Variants in CRYBG1 observed in about 807,000 individuals in gnomAD.
The protein encoded by CRYBG1 is beta/gamma crystallin domain-containing protein 1.
In CRYBG1, 139 loss-of-function variants were observed where a neutral mutation model predicts 189.2. The observed-to-expected ratio is 0.73, with a 90% CI of 0.64 to 0.85. CRYBG1 has a LOEUF of 0.85. Ranked by LOEUF, CRYBG1 falls within the 40% of genes least tolerant of loss-of-function variation. The probability of loss-of-function intolerance (pLI) is 0.00; values close to 1 mark genes in which losing one functional copy is unlikely to be tolerated. For missense variants in CRYBG1, 2,611 were observed against 2,675.8 expected (o/e 0.98, Z 0.53); for synonymous variants, 1,023 against 1,017.1 (o/e 1.01, Z -0.11).
intron 1 of CRYBG1, among the ~76,000 whole-genome samples, chr6:106,365,092 T>C (rs1771958377): frequency 6.6e-6 from 1 of 152,142 alleles, no homozygotes; most frequent in Non-Finnish European, 1.5e-5. Flanking sequence ...AGCCACTTTG[T>C]GTTATTTTGG....
At chr6:106,458,520 C>G (rs748979435) in intron 2 of CRYBG1, among the ~76,000 whole-genome samples, 1 of 152,060 alleles carries the variant, frequency 6.6e-6, no homozygotes, top group Non-Finnish European at 1.5e-5. Context: ...ACTAGGAAGC[C>G]CTAAGGATCA....
chr6:106,362,550 T>A (rs914343877), intron 1 of CRYBG1, among the ~76,000 whole-genome samples: 4 of 152,166 alleles, frequency 2.6e-5, no homozygotes, highest in Admixed American at 2.0e-4. Flanking sequence ...GGCTGCACTG[T>A]GCACATCACC....
chr6:106,559,814 G>A (rs1774656439), intron 18 of CRYBG1, among the ~76,000 whole-genome samples: 1 of 152,008 alleles, frequency 6.6e-6, no homozygotes, highest in South Asian at 2.1e-4. Flanking sequence ...AATCACAGAA[G>A]CTGGGCGCAG....
At chr6:106,474,053 AG>A (rs34270268) in intron 2 of CRYBG1, among the ~76,000 whole-genome samples, 46,003 of 148,628 alleles carry the variant, frequency 0.31, 8,057 homozygotes, top group South Asian at 0.42. Flanking sequence ...AACTTAGAGT[AG>A]GATTGGAAAA....
chr6:106,518,973 G>GGGCA (rs1554188393), intron 3 of CRYBG1, among the ~76,000 whole-genome samples, 158 bp from the exon 4 acceptor site: 1 of 41,700 alleles, frequency 2.4e-5, no homozygotes, highest in East Asian at 5.4e-4. Context: ...ACACATGTGT[G>GGGCA]CGCACACACA....
Position 106,558,531 on chromosome 6 carries a change from A to G in CRYBG1, c.5761A>G (p.Lys1921Glu). ...TATTCTCTTTGAAAGAGAAGACTTC[A>G]AAGGAAAAAAGATTGAACTTAATGC... ...TIILFEREDF[K>E]GKKIELNAET... is the part of the protein sequence containing the mutation. The change falls in exon 18 of 22, where the codon AAA becomes GAA. Residue 1921 changes from lysine (K) to glutamate (E), a missense_variant. Lys to Glu is a moderately conservative substitution (Grantham distance 56). Coordinates refer to ENST00000633556, the MANE Select transcript of CRYBG1 (RefSeq NM_001371242.2). The G allele has an allele frequency of 6.2e-7, 1 of 1,611,412 alleles. No homozygotes were observed. Among genetic ancestry groups the G allele is most frequent in the Non-Finnish European group, 8.5e-7 (1 of 1,177,936 alleles).
intron 2 of CRYBG1, chr6:106,457,350 C>T (rs1218398989): frequency 1.3e-5 from 2 of 152,116 alleles, no homozygotes; most frequent in Non-Finnish European, 2.9e-5. Flanking sequence ...ATTTATTAAC[C>T]CATTAACTCA....
intron 1 of CRYBG1, among the ~76,000 whole-genome samples, chr6:106,438,756 T>C (rs1771514572): frequency 6.6e-6 from 1 of 152,234 alleles, no homozygotes; most frequent in African/African-American, 2.4e-5. Flanking sequence ...GAGGACAAAA[T>C]GAATAATCCA....
At chr6:106,426,958 G>A (rs780813604) in intron 1 of CRYBG1, among the ~76,000 whole-genome samples, 21 of 152,090 alleles carry the variant, frequency 1.4e-4, no homozygotes, top group Non-Finnish European at 2.2e-4. Flanking sequence ...GCAACATCTC[G>A]CAACGCCTCC....
intron 2 of CRYBG1, among the ~76,000 whole-genome samples, chr6:106,467,328 C>G (rs891248880): frequency 4.0e-5 from 6 of 151,690 alleles, no homozygotes; most frequent in African/African-American, 1.2e-4. Context: ...AAAAATTAGC[C>G]TGATGTAGTG....
At chr6:106,490,941 G>T (rs1023793535) in intron 2 of CRYBG1, among the ~76,000 whole-genome samples, 6 of 152,130 alleles carry the variant, frequency 3.9e-5, no homozygotes, top group African/African-American at 1.4e-4. Context: ...CTTGATTAAG[G>T]CTGGAAAGTA....
At chr6:106,393,352 T>G (rs1440512011) in intron 1 of CRYBG1, among the ~76,000 whole-genome samples, 1 of 152,184 alleles carries the variant, frequency 6.6e-6, no homozygotes, top group Non-Finnish European at 1.5e-5. Flanking sequence ...CTGACCAGTA[T>G]GCACCCGTGC....
chr6:106,415,672 G>A (rs185443579), intron 1 of CRYBG1, among the ~76,000 whole-genome samples: 222 of 152,084 alleles, frequency 1.5e-3, no homozygotes, highest in African/African-American at 5.1e-3. Context: ...GTTGCAGTGA[G>A]CCATGATCAT....
chr6:106,498,651 G>C (rs117087770), intron 2 of CRYBG1, among the ~76,000 whole-genome samples: 1 of 151,970 alleles, frequency 6.6e-6, no homozygotes, highest in Non-Finnish European at 1.5e-5. Flanking sequence ...GAGGTGGGCA[G>C]ATAACTTGAG....
chr6:106,412,108 AG>A (rs1770935882), intron 1 of CRYBG1, among the ~76,000 whole-genome samples: 1 of 152,236 alleles, frequency 6.6e-6, no homozygotes, highest in African/African-American at 2.4e-5. Flanking sequence ...AATCCAGTCA[AG>A]TTGACACCTG....
chr6:106,513,520 T>G (rs1293252710), intron 3 of CRYBG1, among the ~76,000 whole-genome samples: 3 of 152,246 alleles, frequency 2.0e-5, no homozygotes, highest in Non-Finnish European at 4.4e-5. Flanking sequence ...TGGCACTCAG[T>G]GCATTTATTG....
chr6:106,386,493 T>C (rs914524851), intron 1 of CRYBG1, among the ~76,000 whole-genome samples: 1 of 152,204 alleles, frequency 6.6e-6, no homozygotes, highest in Admixed American at 6.5e-5. Context: ...TGTTAGGGTT[T>C]TGATATGAGT....
At chr6:106,565,507 A>G (rs753415713) in intron 21 of CRYBG1, among the ~76,000 whole-genome samples, 1 of 152,138 alleles carries the variant, frequency 6.6e-6, no homozygotes, top group African/African-American at 2.4e-5. Flanking sequence ...ACTTAAAACA[A>G]TGGACTTAGG....
intron 18 of CRYBG1, 50 bp downstream of exon 18, chr6:106,558,675 A>G (rs771836017): frequency 6.6e-7 from 1 of 1,517,378 alleles, no homozygotes; most frequent in Non-Finnish European, 8.9e-7. Flanking sequence ...TTAAAAATCA[A>G]GTTTGGGCTG....
Sources: gnomAD v4.1 joint callset for allele counts (sites outside exome capture counted in the v4.1 genomes callset) on GRCh38, gnomAD v4.1.1 for gene constraint, MANE v1.5 for transcripts, NCBI Gene and HGNC (gene_info 2026-07-23, HGNC 2026-07-21) for gene names.